Variants in SIK3 observed in about 807,000 individuals in gnomAD.
SIK3 encodes the protein SIK family kinase 3.
Under a neutral mutation model 144.2 loss-of-function variants are expected in SIK3, and 28 were observed. The observed-to-expected ratio is 0.19, with a 90% CI of 0.14 to 0.27. SIK3 has a LOEUF of 0.27. SIK3 is among the 10% of genes least tolerant of loss of function. The pLI, the probability that SIK3 is intolerant of heterozygous loss-of-function variation, is 1.00. For synonymous variants in SIK3, 686 were observed against 676.3 expected, an observed-to-expected ratio of 1.01 and a Z score of -0.22; for missense variants, 1,319 against 1,776.0, an observed-to-expected ratio of 0.74 and a Z score of 4.62.
At chr11:116,997,539 A>G (rs1411624289) in intron 1 of SIK3, among the ~76,000 whole-genome samples, 2 of 152,244 alleles carry the variant, frequency 1.3e-5, no homozygotes, top group African/African-American at 4.8e-5. Context: ...AATAAAATAT[A>G]CACTATTAAA....
intron 1 of SIK3, among the ~76,000 whole-genome samples, chr11:117,050,717 CAGAT>C (rs953999181): frequency 2.0e-5 from 3 of 151,928 alleles, no homozygotes; most frequent in African/African-American, 4.8e-5. Context: ...AATAAATAAA[CAGAT>C]AAATAAATAA....
At chr11:117,075,364 A>T (rs1470049009) in intron 1 of SIK3, among the ~76,000 whole-genome samples, 1 of 152,100 alleles carries the variant, frequency 6.6e-6, no homozygotes, top group East Asian at 1.9e-4. Context: ...ATATCTGACA[A>T]CTCATTTCCT....
intron 18 of SIK3, 93 bp from the exon 19 acceptor site, chr11:116,861,476 ATT>A: frequency 2.2e-6 from 2 of 920,530 alleles, no homozygotes; most frequent in Non-Finnish European, 3.3e-6. Context: ...AGTGGAAACT[ATT>A]TTTTTTTACT....
At position 116,858,148 on chromosome 11, in the gene SIK3, C is replaced by T; in HGVS notation, c.3317G>A (p.Ser1106Asn). The change falls in exon 21 of 25, where the codon AGC (serine) becomes AAC (asparagine). Residue 1106 changes from serine to asparagine, a missense_variant. By Grantham distance (46) the Ser-to-Asn change is conservative (BLOSUM62 1). Around this residue, in one of 8 missense-constraint regions of SIK3, gnomAD observed 646 missense variants for 763.7 expected, o/e 0.85. Transcript: ENST00000445177. The surrounding 1 kb of genome is among the most constrained non-coding windows in gnomAD (Gnocchi z 5.4). ...CCTGATTTGTAGCAGATGCTGGGGG[C>T]TGGTGTGATGGTGATAAGAGTCAGC... ...QNADSYHHHT[S>N]PQHLLQIRAQ... is the part of the protein sequence containing the mutation. 2 of 1,614,070 alleles carry T rather than the reference C, an allele frequency of 1.2e-6. No individual in the cohort carries two copies. The highest frequency in any genetic ancestry group is 1.7e-6 in the Non-Finnish European group (2 of 1,180,002).
At chr11:117,028,685 T>C (rs1952128218) in intron 1 of SIK3, among the ~76,000 whole-genome samples, 1 of 152,014 alleles carries the variant, frequency 6.6e-6, no homozygotes, top group Admixed American at 6.6e-5. Context: ...ACAATTCTAA[T>C]ATGTTGAGGA....
intron 1 of SIK3, among the ~76,000 whole-genome samples, chr11:117,032,380 G>A (rs572349268): frequency 2.0e-5 from 3 of 152,216 alleles, no homozygotes; most frequent in East Asian, 3.9e-4. Context: ...TCCTATATAC[G>A]TTTTGTTAGA....
chr11:116,991,276 G>C (rs995173565), intron 1 of SIK3, among the ~76,000 whole-genome samples: 1 of 152,106 alleles, frequency 6.6e-6, no homozygotes, highest in Admixed American at 6.6e-5. Flanking sequence ...GCAAAACCCC[G>C]TCTCTATCAA....
At chr11:116,861,657 A>G (rs544398719) in intron 18 of SIK3, among the ~76,000 whole-genome samples, 184 bp downstream of exon 18, 118 of 152,322 alleles carry the variant, frequency 7.7e-4, no homozygotes, top group African/African-American at 2.7e-3. Context: ...GGGGCTAAGG[A>G]AATGAAGTGG....
At chr11:116,916,781 A>C in intron 4 of SIK3, among the ~76,000 whole-genome samples, 1 of 149,590 alleles carries the variant, frequency 6.7e-6, no homozygotes. Flanking sequence ...AAGTGCTAGG[A>C]TTACAGGTGT....
chr11:116,916,387 A>C (rs1946632373), intron 4 of SIK3, among the ~76,000 whole-genome samples: 1 of 152,208 alleles, frequency 6.6e-6, no homozygotes. Context: ...CATAAATGAC[A>C]ACCAGATTCT....
At chr11:116,860,519 T>C (rs1048486806) in intron 19 of SIK3, among the ~76,000 whole-genome samples, 19 of 152,328 alleles carry the variant, frequency 1.2e-4, no homozygotes, top group Admixed American at 5.2e-4. Flanking sequence ...CCCACGTGTA[T>C]AGTAGACAGC....
chr11:117,020,708 C>T (rs890459171), intron 1 of SIK3, among the ~76,000 whole-genome samples: 8 of 152,166 alleles, frequency 5.3e-5, no homozygotes, highest in African/African-American at 1.9e-4. Context: ...TGAGGCACCC[C>T]AGCTCTACCG....
intron 6 of SIK3, among the ~76,000 whole-genome samples, chr11:116,886,801 G>C (rs1008880106): frequency 2.6e-5 from 4 of 152,138 alleles, no homozygotes; most frequent in African/African-American, 9.7e-5. Context: ...TAAGTTATTT[G>C]CATCCATCGG....
intron 1 of SIK3, among the ~76,000 whole-genome samples, chr11:116,995,226 C>A (rs1415488099): frequency 6.7e-5 from 10 of 149,308 alleles, no homozygotes; most frequent in Admixed American, 6.7e-4. Context: ...AAGATCGCAC[C>A]ATTGCACTCC....
At chr11:117,098,044 C>T in intron 1 of SIK3, 99 bp downstream of exon 1, 2 of 1,170,338 alleles carry the variant, frequency 1.7e-6, no homozygotes, top group South Asian at 6.7e-5. Context: ...AACGCTCCCA[C>T]CACGCGCCGC....
chr11:116,875,460 C>G lies in SIK3; in HGVS notation c.1240-9G>C. The G allele has an allele frequency of 6.2e-7, 1 of 1,613,642 alleles. No homozygotes were observed. The highest frequency in any genetic ancestry group is 8.5e-7 in the Non-Finnish European group (1 of 1,179,680). The stretch of plus-strand genomic sequence containing the variant: ...GTACCTGCCTGCTCCGCCTGGAAAG[C>G]AGTACATACATATACACGCATACCT... On this transcript the variant is annotated splice_polypyrimidine_tract_variant and intron_variant, in intron 9 of 24. Coordinates refer to ENST00000445177, the MANE Select transcript of SIK3 (RefSeq NM_001366686.3).
chr11:116,877,360 A>C (rs187348109), intron 6 of SIK3, among the ~76,000 whole-genome samples: 51 of 152,370 alleles, frequency 3.3e-4, no homozygotes, highest in South Asian at 1.9e-3. Context: ...ATTTAACACA[A>C]GTAATGAAGA....
At chr11:116,962,284 G>A (rs1363870388) in intron 1 of SIK3, among the ~76,000 whole-genome samples, 3 of 152,158 alleles carry the variant, frequency 2.0e-5, no homozygotes, top group Admixed American at 6.5e-5. Flanking sequence ...AAAGAACTAC[G>A]TAGGAGGGAA....
intron 13 of SIK3, among the ~76,000 whole-genome samples, chr11:116,871,247 C>T (rs1209928118): frequency 1.3e-5 from 2 of 152,170 alleles, no homozygotes; most frequent in Non-Finnish European, 2.9e-5. Flanking sequence ...AAAAATCACA[C>T]TTCAATTATT....
Sources: gnomAD v4.1 joint callset for allele counts (sites outside exome capture counted in the v4.1 genomes callset) on GRCh38, gnomAD v4.1.1 for gene constraint, gnomAD v4.1.1 regional missense constraint, Gnocchi (gnomAD v3.1) non-coding constraint, MANE v1.5 for transcripts, NCBI Gene and HGNC (gene_info 2026-07-23, HGNC 2026-07-21) for gene names.